LIME1: variants seen among roughly 807,000 people sequenced by gnomAD.
LIME1 encodes lck-interacting transmembrane adapter 1.
Under a neutral mutation model 18.8 loss-of-function variants are expected in LIME1, and 23 were observed. That is an observed-to-expected ratio of 1.22 (90% CI 0.88 to 1.73). The LOEUF is 1.73. LIME1 is among the 40% of genes most tolerant of loss of function. The pLI, the probability that LIME1 is intolerant of heterozygous loss-of-function variation, is 0.00. For synonymous variants in LIME1, 177 were observed against 182.3 expected (o/e 0.97, Z 0.23); for missense variants, 423 against 396.8 (o/e 1.07, Z -0.56).
At chr20:63,737,233 C>G in intron 1 of LIME1, 2 of 1,145,960 alleles carry the variant, frequency 1.7e-6, no homozygotes, top group African/African-American at 3.2e-5. Context: ...ACTATCTGGG[C>G]TATGGTGGCC....
Position 63,737,896 on chromosome 20 carries a change from G to A in LIME1, c.174G>A (p.Ala58=). The change falls in exon 3 of 6, where the codon GCG becomes GCA. Residue 58 remains alanine, a synonymous_variant. Coordinates refer to ENST00000309546, the MANE Select transcript of LIME1 (RefSeq NM_017806.4). ...GGCTGCAGGGCAGTGCGACGGCGGC[G>A]GAAGCGGTGAGTGCCAGGCTGTCCC... ...RARLQGSATA[A]EASLLRRTHL... is the part of the protein sequence containing the mutation. 2 of 1,580,916 alleles carry A rather than the reference G, an allele frequency of 1.3e-6. No individual in the cohort carries two copies. Among genetic ancestry groups the A allele is most frequent in the Non-Finnish European group, 1.7e-6 (2 of 1,167,856 alleles).
intron 1 of LIME1, chr20:63,736,989 G>A: frequency 4.1e-6 from 4 of 985,864 alleles, no homozygotes; most frequent in Non-Finnish European, 4.8e-6. Context: ...GAGAGAAGTG[G>A]GGTGGGGGCA....
rs1254284819 is a variant in LIME1 at position 63,737,899 on chromosome 20, A to C, written c.177A>C (p.Glu59Asp). ...TGCAGGGCAGTGCGACGGCGGCGGAAGCGGTGAGTGCCAGGCTGTCCCGGG... is the reference window on the plus strand; with the variant it reads ...TGCAGGGCAGTGCGACGGCGGCGGACGCGGTGAGTGCCAGGCTGTCCCGGG... ...ARLQGSATAA[E>D]ASLLRRTHLC... The change falls in exon 3 of 6, where the codon GAA becomes GAC. Residue 59 changes from glutamate (E) to aspartate (D), a missense_variant. Physicochemically the swap from Glu to Asp is conservative, Grantham distance 45 (BLOSUM62 2). Coordinates refer to ENST00000309546, the MANE Select transcript of LIME1 (RefSeq NM_017806.4). 1.3e-6 allele frequency: 2 copies of C among 1,580,284 alleles called. No homozygotes were observed. The highest frequency in any genetic ancestry group is 3.5e-5 in the Admixed American group (2 of 57,122).
chr20:63,738,050 C>G lies in LIME1; in HGVS notation c.258C>G (p.Arg86=). ...TRLHELHRGP[R]SSRALRPASM... Reference sequence around the variant, plus strand: ...TGCACGAGCTGCACCGGGGCCCGCGCAGCAGCAGGGGTGAGCAGAGGGCGG... The same window carrying G: ...TGCACGAGCTGCACCGGGGCCCGCGGAGCAGCAGGGGTGAGCAGAGGGCGG... Residue 86 remains arginine, a synonymous_variant, in exon 4 of 6, where the codon CGC becomes CGG. Transcript: ENST00000309546. 2 of 1,542,472 alleles carry G rather than the reference C, an allele frequency of 1.3e-6. No individual in the cohort carries two copies. Among genetic ancestry groups the G allele is most frequent in the Non-Finnish European group, 1.7e-6 (2 of 1,151,098 alleles).
upstream of LIME1, chr20:63,735,756 C>A (rs766681673): frequency 6.4e-7 from 1 of 1,574,766 alleles, no homozygotes; most frequent in South Asian, 1.1e-5. Flanking sequence ...CAGGACCCCA[C>A]GCTGACTAGT....
chr20:63,736,821 C>G, intron 1 of LIME1, 109 bp downstream of exon 1: 8 of 986,336 alleles, frequency 8.1e-6, no homozygotes, highest in Non-Finnish European at 9.6e-6. Flanking sequence ...AGCAGACTGG[C>G]CCCAAACTCC....
At chr20:63,737,791 C>T (rs987139106) in intron 2 of LIME1, 30 bp from the exon 3 acceptor site, 44 of 1,292,984 alleles carry the variant, frequency 3.4e-5, no homozygotes, top group Admixed American at 5.5e-5. Flanking sequence ...CTGACGACCC[C>T]GCCCCCCGCC....
At chr20:63,737,504 C>T in intron 1 of LIME1, 29 bp from the exon 2 acceptor site, 1 of 1,442,210 alleles carries the variant, frequency 6.9e-7, no homozygotes, top group Non-Finnish European at 9.1e-7. Context: ...CCTTGGCCAG[C>T]CCCCAGCGCC....
chr20:63,736,498 G>T (rs904088757), upstream of LIME1: 8 of 437,326 alleles, frequency 1.8e-5, no homozygotes, highest in Admixed American at 1.2e-4. Context: ...TCAGAACAGT[G>T]CGGGCTAGAG....
In LIME1 at chr20:63,738,514, G is replaced by T; in HGVS notation, c.585+15G>T. The T allele has an allele frequency of 6.6e-7, 1 of 1,511,762 alleles. No individual in the cohort carries two copies. Among genetic ancestry groups the T allele is most frequent in the Non-Finnish European group, 8.8e-7 (1 of 1,130,846 alleles). 93.6% of individuals were successfully genotyped at this position (1,511,762 alleles called of 1,614,324 possible). A position where few individuals can be genotyped will look rare whatever the true frequency, so the allele number is the denominator to read the frequency against. ...CGGCCGCTCAGGTAACGTGGGCCAG[G>T]GTAGGGCGCTGTGGGTGGGGCCGGC... On this transcript the variant is annotated intron_variant, in intron 5 of 5. Coordinates refer to ENST00000309546, the MANE Select transcript of LIME1 (RefSeq NM_017806.4).
Position 63,737,845 on chromosome 20 carries a change from G to A in LIME1, c.123G>A (p.Arg41=). The A allele has an allele frequency of 3.9e-6, 6 of 1,551,816 alleles. No individual in the cohort carries two copies. Among genetic ancestry groups the A allele is most frequent in the Non-Finnish European group, 5.2e-6 (6 of 1,156,708 alleles). The change falls in exon 3 of 6, where the codon AGG becomes AGA. Residue 41 remains arginine, a synonymous_variant. Transcript: ENST00000309546. ...CRRPEDAVAP[R]KRARRQRARL... is the part of the protein sequence containing the mutation. The stretch of plus-strand genomic sequence containing the variant: ...GGCCCGAGGACGCTGTAGCCCCCAG[G>A]AAGAGGGCGCGGAGGCAGCGGGCGA...
In LIME1 at chr20:63,738,378, G is replaced by C. The variant is rs759004080; in HGVS notation, c.464G>C (p.Gly155Ala). Reference protein sequence around the residue: ...YSNVGLAALPGVSLAASPVVA... With the variant: ...YSNVGLAALPAVSLAASPVVA... ...AACGTGGGGCTGGCGGCCCTTCCCG[G>C]GGTCAGCCTGGCGGCCAGCCCTGTG... Residue 155 changes from glycine to alanine, a missense_variant, in exon 5 of 6, where the codon GGG becomes GCG. Physicochemically the swap from Gly to Ala is moderately conservative, Grantham distance 60. Transcript: ENST00000309546. 9.8e-5 allele frequency: 153 copies of C among 1,555,184 alleles called. No homozygotes were observed. The highest frequency in any genetic ancestry group is 1.2e-4 in the Admixed American group (6 of 51,976).
At chr20:63,735,732 TTGG>T, upstream of LIME1, 1 of 1,557,460 alleles carries the variant, frequency 6.4e-7, no homozygotes. Flanking sequence ...CAGACTGGGG[TTGG>T]TGGCATGGCC....
Position 63,738,338 on chromosome 20 carries a change from G to A in LIME1, c.424G>A (p.Glu142Lys), listed in dbSNP as rs1404822415. The A allele has an allele frequency of 6.4e-7, 1 of 1,558,072 alleles. No individual in the cohort carries two copies. Among genetic ancestry groups the A allele is most frequent in the East Asian group, 2.4e-5 (1 of 41,896 alleles). ...AGCCACCGCAGGGTGCGCTGGCCTC[G>A]AGGCCACCTATTCCAACGTGGGGCT... ...AAATAGCAGL[E>K]ATYSNVGLAA... Residue 142 changes from glutamate to lysine, a missense_variant, in exon 5 of 6, where the codon GAG becomes AAG. Physicochemically the swap from Glu to Lys is moderately conservative, Grantham distance 56. Coordinates refer to ENST00000309546, the MANE Select transcript of LIME1 (RefSeq NM_017806.4).
chr20:63,736,499 C>T (rs531268197), upstream of LIME1: 246 of 444,038 alleles, frequency 5.5e-4, 1 homozygote, highest in Non-Finnish European at 6.7e-4. Context: ...CAGAACAGTG[C>T]GGGCTAGAGG....
At position 63,738,052 on chromosome 20, in the gene LIME1, G is replaced by T; in HGVS notation, c.260G>T (p.Ser87Ile). The change falls in exon 4 of 6, where the codon AGC becomes ATC. Residue 87 changes from serine (S) to isoleucine (I), a missense_variant. Ser to Ile is a moderately radical substitution (Grantham distance 142). Transcript: ENST00000309546. ...CACGAGCTGCACCGGGGCCCGCGCA[G>T]CAGCAGGGGTGAGCAGAGGGCGGGG... Reference protein sequence around the residue: ...RLHELHRGPRSSRALRPASMD... With the variant: ...RLHELHRGPRISRALRPASMD... 1 of 1,539,750 alleles carries T rather than the reference G, an allele frequency of 6.5e-7. No individual in the cohort carries two copies.
At position 63,738,965 on chromosome 20, in the gene LIME1, A is replaced by G; in HGVS notation, c.*65A>G. ...CGTCCCCCGCCCCGCCCCGCCTCAC[A>G]GCTGACAGCGCCAGTCCCAGGTCCC... On this transcript the variant is annotated 3_prime_UTR_variant, in exon 6 of 6. Transcript: ENST00000309546. 1 of 1,392,190 alleles carries G rather than the reference A, an allele frequency of 7.2e-7. No individual in the cohort carries two copies. The highest frequency in any genetic ancestry group is 2.6e-5 in the East Asian group (1 of 38,848). 86.2% of individuals were successfully genotyped at this position (1,392,190 alleles called of 1,614,324 possible). A position where few individuals can be genotyped will look rare whatever the true frequency, so the allele number is the denominator to read the frequency against.
In LIME1 at chr20:63,738,783, C is replaced by T. The variant is rs761009650; in HGVS notation, c.771C>T (p.Ile257=). The T allele has an allele frequency of 2.5e-6, 4 of 1,612,852 alleles. No individual in the cohort carries two copies. The African/African-American group carries it at 4.0e-5, about 16-fold the overall frequency. Residue 257 remains isoleucine (I), a synonymous_variant, in exon 6 of 6, where the codon ATC becomes ATT. Transcript: ENST00000309546. ...CCCTGGAAAACGTGTATGAGAGCAT[C>T]CGGGAGCTGGGGGACCCTGCTGGCA... is the stretch of plus-strand genomic sequence containing the variant. ...SGPLENVYES[I]RELGDPAGRS... is the part of the protein sequence containing the mutation.
Position 63,737,658 on chromosome 20 carries a change from C to A in LIME1, c.98+11C>A. 1 of 1,567,168 alleles carries A rather than the reference C, an allele frequency of 6.4e-7. No individual in the cohort carries two copies. Among genetic ancestry groups the A allele is most frequent in the Non-Finnish European group, 8.6e-7 (1 of 1,159,030 alleles). ...CACAGCCTGCCGCAGGTAGGTCCCT[C>A]AGCCGCGTTCTGTCTGGGGCCTCGC... On this transcript the variant is annotated intron_variant, in intron 2 of 5. Coordinates refer to ENST00000309546, the MANE Select transcript of LIME1 (RefSeq NM_017806.4).
Sources: allele counts gnomAD v4.1 joint callset, GRCh38; gene constraint gnomAD v4.1.1; transcripts MANE v1.5; gene names NCBI Gene and HGNC (gene_info 2026-07-23, HGNC 2026-07-21).